Variants in ZBTB20 observed in about 807,000 individuals in gnomAD.
The protein encoded by ZBTB20 is zinc finger and BTB domain containing 20, also known as zinc finger and BTB domain-containing protein 20.
ZBTB20 carries 9 observed loss-of-function variants against 56.9 expected under a neutral mutation model. The observed-to-expected ratio is 0.16, with a 90% CI of 0.10 to 0.28. The LOEUF (loss-of-function observed/expected upper bound fraction) is 0.28, where lower values mean the gene tolerates loss of function less well. Among genes scored for constraint, ZBTB20 ranks in the 10% least tolerant of loss-of-function variants. ZBTB20 has a pLI of 1.00. For missense variants in ZBTB20, 655 were observed against 1,003.0 expected, an observed-to-expected ratio of 0.65 and a Z score of 4.69; for synonymous variants, 417 against 420.7, an observed-to-expected ratio of 0.99 and a Z score of 0.11.
chr3:114,496,706 G>A (rs1401273614), intron 7 of ZBTB20, among the ~76,000 whole-genome samples: 2 of 152,074 alleles, frequency 1.3e-5, no homozygotes, highest in Non-Finnish European at 2.9e-5. Context: ...TGAATACACT[G>A]AATTGTTTCA....
At chr3:114,997,214 A>C (rs2079063810) in intron 2 of ZBTB20, among the ~76,000 whole-genome samples, 1 of 151,830 alleles carries the variant, frequency 6.6e-6, no homozygotes, top group Non-Finnish European at 1.5e-5. Context: ...GTGGAGAGAT[A>C]ATCAGGTAGT....
At chr3:115,047,214 G>C (rs947615396) in intron 2 of ZBTB20, among the ~76,000 whole-genome samples, 2 of 152,076 alleles carry the variant, frequency 1.3e-5, no homozygotes, top group African/African-American at 2.4e-5. Flanking sequence ...TTGTAGTTTT[G>C]ATCTTTTCAC....
intron 6 of ZBTB20, among the ~76,000 whole-genome samples, chr3:114,616,358 G>A (rs987592631): frequency 1.3e-5 from 2 of 152,252 alleles, no homozygotes; most frequent in South Asian, 2.1e-4. Context: ...TATTTTGCAC[G>A]ATTTTCCTAG....
At chr3:114,902,351 A>G (rs2075153571) in intron 3 of ZBTB20, among the ~76,000 whole-genome samples, 1 of 152,190 alleles carries the variant, frequency 6.6e-6, no homozygotes, top group Non-Finnish European at 1.5e-5. Flanking sequence ...TTGGCACTGC[A>G]ACGTGCTAAC....
chr3:114,399,351 T>A (rs1288744862), intron 7 of ZBTB20, among the ~76,000 whole-genome samples: 1 of 152,138 alleles, frequency 6.6e-6, no homozygotes, highest in East Asian at 1.9e-4. Flanking sequence ...TAAATAAGAA[T>A]GTTTACTTGT....
At chr3:114,730,801 A>G (rs922157419) in intron 5 of ZBTB20, among the ~76,000 whole-genome samples, 2 of 152,176 alleles carry the variant, frequency 1.3e-5, no homozygotes, top group Non-Finnish European at 2.9e-5. Context: ...ACAGACTGAT[A>G]TGGTGCCTGT....
At chr3:114,816,006 C>T (rs536628514) in intron 4 of ZBTB20, among the ~76,000 whole-genome samples, 2 of 152,134 alleles carry the variant, frequency 1.3e-5, no homozygotes, top group Non-Finnish European at 2.9e-5. Flanking sequence ...GCCATAAAAG[C>T]CCCAATGCAT....
chr3:114,547,421 A>G (rs1014629486), intron 6 of ZBTB20, among the ~76,000 whole-genome samples: 1 of 152,216 alleles, frequency 6.6e-6, no homozygotes, highest in African/African-American at 2.4e-5. Flanking sequence ...ATGAAGAGAT[A>G]TTACTGGGTG....
chr3:115,109,168 C>T (rs182607511), intron 1 of ZBTB20, among the ~76,000 whole-genome samples: 1 of 152,228 alleles, frequency 6.6e-6, no homozygotes, highest in African/African-American at 2.4e-5. Flanking sequence ...TACAACAATG[C>T]CAGCAACTAT....
In ZBTB20 at chr3:114,339,191, G is replaced by A. The variant is rs748454733; in HGVS notation, c.2040C>T (p.His680=). ...CATTGCTGGCACTGTGCAGGGCCACGTGTCGCTCCAGGAGGGTCTTGTGAG... is the reference window on the plus strand; with the variant it reads ...CATTGCTGGCACTGTGCAGGGCCACATGTCGCTCCAGGAGGGTCTTGTGAG... The part of the protein sequence containing the change: ...KFSHKTLLER[H]VALHSASNGT... The change falls in exon 12 of 12, where the codon CAC becomes CAT. Residue 680 remains histidine (H), a synonymous_variant. Transcript: ENST00000675478. The surrounding 1 kb of genome is among the most constrained non-coding windows in gnomAD (Gnocchi z 4.2). The A allele has an allele frequency of 2.5e-6, 4 of 1,614,240 alleles. No individual in the cohort carries two copies. Among genetic ancestry groups the A allele is most frequent in the Admixed American group, 3.3e-5 (2 of 60,034 alleles).
At chr3:114,406,285 A>T (rs1400725562) in intron 7 of ZBTB20, among the ~76,000 whole-genome samples, 1 of 152,166 alleles carries the variant, frequency 6.6e-6, no homozygotes, top group Non-Finnish European at 1.5e-5. Flanking sequence ...ATTCTTTATC[A>T]TTTGAAATAG....
rs892465541 is a variant in ZBTB20 at position 114,330,775 on chromosome 3, A to G, written c.*8230T>C. 1.6e-5 allele frequency: 2 copies of G among 126,684 alleles called. No homozygotes were observed. Among genetic ancestry groups the G allele is most frequent in the African/African-American group, 5.3e-5 (2 of 37,752 alleles). 7.8% of individuals were successfully genotyped at this position (126,684 alleles called of 1,614,324 possible). ...TAATGTACAAATCATAAAAAATAAC[A>G]AACCATCTAGTAAAAGAAGGGCATG... On this transcript the variant is annotated 3_prime_UTR_variant, in exon 12 of 12. Transcript: ENST00000675478.
intron 5 of ZBTB20, chr3:114,759,009 G>C (rs980843527): frequency 6.6e-6 from 1 of 152,066 alleles, no homozygotes; most frequent in Non-Finnish European, 1.5e-5. Context: ...TAGGAAGAGA[G>C]CCACAGCTTA....
At chr3:114,727,314 G>C (rs2065379779) in intron 5 of ZBTB20, among the ~76,000 whole-genome samples, 1 of 152,184 alleles carries the variant, frequency 6.6e-6, no homozygotes, top group Non-Finnish European at 1.5e-5. Flanking sequence ...ATTCCAAAAA[G>C]CCTCTGTCAG....
At position 114,339,001 on chromosome 3, in the gene ZBTB20, C is replaced by T. The variant is rs771227558; in HGVS notation, c.*4G>A. On this transcript the variant is annotated 3_prime_UTR_variant, in exon 12 of 12. Coordinates refer to ENST00000675478, the MANE Select transcript of ZBTB20 (RefSeq NM_001348800.3). This position sits in a 1 kb window ranked among gnomAD's most constrained non-coding sequence, Gnocchi z 4.2. Reference sequence around the variant, plus strand: ...TGTTCATAAGAAAGAGAGAAAGATACTACTTATCCGTCAGACACATGCATC... The same window carrying T: ...TGTTCATAAGAAAGAGAGAAAGATATTACTTATCCGTCAGACACATGCATC... The T allele has an allele frequency of 6.7e-7, 1 of 1,501,412 alleles. No homozygotes were observed. The highest frequency in any genetic ancestry group is 1.4e-5 in the African/African-American group (1 of 71,556). 93.0% of individuals were successfully genotyped at this position (1,501,412 alleles called of 1,614,324 possible). A position where few individuals can be genotyped will look rare whatever the true frequency, so the allele number is the denominator to read the frequency against.
At chr3:114,634,995 G>T (rs1302278800) in intron 6 of ZBTB20, among the ~76,000 whole-genome samples, 1 of 152,206 alleles carries the variant, frequency 6.6e-6, no homozygotes, top group Non-Finnish European at 1.5e-5. Flanking sequence ...CAGAACTGAG[G>T]TTATTCTTAG....
intron 2 of ZBTB20, among the ~76,000 whole-genome samples, chr3:115,034,278 A>C (rs995060290): frequency 2.6e-5 from 4 of 151,752 alleles, no homozygotes; most frequent in Non-Finnish European, 5.9e-5. Flanking sequence ...TCAGAAAGAA[A>C]TAAGTAAAAT....
rs1230153059 is a variant in ZBTB20, at chr3:114,554,457, CTT to C, written c.-294-54068_-294-54067del. 3.3e-5 allele frequency among the ~76,000 whole-genome samples: 5 copies of C among 152,112 alleles called. No homozygotes were observed. In the East Asian group the frequency reaches 9.6e-4, roughly 29 times the overall value. On this transcript the variant is annotated intron_variant, in intron 6 of 11. Transcript: ENST00000675478. ...AATATCCTCATTTCAGAATTGGTCT[CTT>C]TGCTCAGAGCAATACCTTGGGCAAC... is the stretch of plus-strand genomic sequence containing the variant.
At chr3:114,836,011 C>T (rs931090755) in intron 4 of ZBTB20, among the ~76,000 whole-genome samples, 7 of 152,242 alleles carry the variant, frequency 4.6e-5, no homozygotes, top group African/African-American at 1.4e-4. Context: ...CATTCAAATG[C>T]CCCACTGCAC....
Sources: gnomAD v4.1 joint callset for allele counts (sites outside exome capture counted in the v4.1 genomes callset) on GRCh38, gnomAD v4.1.1 for gene constraint, Gnocchi (gnomAD v3.1) non-coding constraint, MANE v1.5 for transcripts, NCBI Gene and HGNC (gene_info 2026-07-23, HGNC 2026-07-21) for gene names.